SELENOT: variants seen among roughly 807,000 people sequenced by gnomAD.
SELENOT encodes the protein selenoprotein T.
SELENOT carries 9 observed loss-of-function variants against 24.3 expected under a neutral mutation model. The observed-to-expected ratio is 0.37, with a 90% CI of 0.22 to 0.65. SELENOT has a LOEUF of 0.65. SELENOT is among the 30% of genes least tolerant of loss of function. The pLI is 0.60. For missense variants in SELENOT, 166 were observed against 247.6 expected, an observed-to-expected ratio of 0.67 and a Z score of 2.21; for synonymous variants, 81 against 86.0, an observed-to-expected ratio of 0.94 and a Z score of 0.32.
intron 1 of SELENOT, among the ~76,000 whole-genome samples, chr3:150,605,912 A>G (rs1725951818): frequency 6.6e-6 from 1 of 152,214 alleles, no homozygotes; most frequent in Non-Finnish European, 1.5e-5. Flanking sequence ...TTCATTAATT[A>G]CCACTGCTAA....
At chr3:150,612,155 G>A (rs373345436) in intron 1 of SELENOT, among the ~76,000 whole-genome samples, 1 of 151,666 alleles carries the variant, frequency 6.6e-6, no homozygotes, top group African/African-American at 2.4e-5. Flanking sequence ...GTGCGGTGGC[G>A]CAATCTTGGC....
At chr3:150,625,067 CT>C (rs375782111) in intron 4 of SELENOT, among the ~76,000 whole-genome samples, 168 bp downstream of exon 4, 19,953 of 146,074 alleles carry the variant, frequency 0.14, 1,420 homozygotes, top group Non-Finnish European at 0.17. Flanking sequence ...AAAATTTTAA[CT>C]TTTTTTTTTT....
chr3:150,624,208 C>G (rs1050154985), intron 3 of SELENOT, among the ~76,000 whole-genome samples: 4 of 152,118 alleles, frequency 2.6e-5, no homozygotes, highest in Admixed American at 1.3e-4. Context: ...AGGGAAAGCT[C>G]TTTCTCATCT....
intron 1 of SELENOT, among the ~76,000 whole-genome samples, chr3:150,609,877 A>G (rs1726051645): frequency 6.6e-6 from 1 of 152,046 alleles, no homozygotes. Flanking sequence ...ATTTTCTCCT[A>G]GATTTTGTCA....
At chr3:150,613,198 G>A (rs1017524584) in intron 1 of SELENOT, among the ~76,000 whole-genome samples, 1 of 152,196 alleles carries the variant, frequency 6.6e-6, no homozygotes, top group Non-Finnish European at 1.5e-5. Context: ...GCTGGCATTT[G>A]GTGAGGGCCT....
intron 1 of SELENOT, among the ~76,000 whole-genome samples, chr3:150,608,043 AATG>A (rs1453214072): frequency 6.6e-6 from 1 of 152,194 alleles, no homozygotes; most frequent in Non-Finnish European, 1.5e-5. Context: ...AACAGCTCTT[AATG>A]ATGAATTGTA....
At chr3:150,618,163 A>G (rs911070614) in intron 1 of SELENOT, among the ~76,000 whole-genome samples, 3 of 152,134 alleles carry the variant, frequency 2.0e-5, no homozygotes, top group Admixed American at 2.0e-4. Context: ...TCACTTTTTA[A>G]AATCCCAGTT....
intron 4 of SELENOT, among the ~76,000 whole-genome samples, chr3:150,626,251 T>C (rs983824964): frequency 2.6e-5 from 4 of 152,182 alleles, no homozygotes; most frequent in Non-Finnish European, 4.4e-5. Context: ...TTGACTTTGT[T>C]CTCAAGATAA....
At chr3:150,613,665 CTTTT>C (rs531822237) in intron 1 of SELENOT, among the ~76,000 whole-genome samples, 1 of 78,888 alleles carries the variant, frequency 1.3e-5, no homozygotes, top group African/African-American at 4.8e-5. Context: ...AAGATGGGAA[CTTTT>C]TTTTTTTTTT....
chr3:150,616,872 C>A (rs1337912728), intron 1 of SELENOT, among the ~76,000 whole-genome samples: 1 of 152,196 alleles, frequency 6.6e-6, no homozygotes. Context: ...AACTCCTGAG[C>A]TCAAGCAATA....
rs1726114587 is a variant in SELENOT at position 150,612,332 on chromosome 3, A to ACC, written c.137+8833_137+8834insCC. Among the ~76,000 whole-genome samples the ACC allele has an allele frequency of 1.1e-4, 16 of 152,228 alleles. No individual in the cohort carries two copies. In the South Asian group the frequency reaches 3.1e-3, roughly 30 times the overall value. On this transcript the variant is annotated intron_variant, in intron 1 of 5. Coordinates refer to ENST00000471696, the MANE Select transcript of SELENOT (RefSeq NM_016275.5). Reference sequence around the variant, plus strand: ...GGTCTCAAACTCCTGACCCTAAGTGATTGGCCCTCCTCGGCCTCCCAAAGT... The same window carrying ACC: ...GGTCTCAAACTCCTGACCCTAAGTGACCTTGGCCCTCCTCGGCCTCCCAAAGT...
chr3:150,608,776 G>A (rs1055346101), intron 1 of SELENOT, among the ~76,000 whole-genome samples: 1 of 152,088 alleles, frequency 6.6e-6, no homozygotes, highest in Non-Finnish European at 1.5e-5. Flanking sequence ...CATAATAGTT[G>A]TTTCCACTTA....
At chr3:150,606,136 TC>T (rs1281519605) in intron 1 of SELENOT, among the ~76,000 whole-genome samples, 1 of 149,192 alleles carries the variant, frequency 6.7e-6, no homozygotes, top group Non-Finnish European at 1.5e-5. Context: ...TTTTTTTTTT[TC>T]CTTTCTTTCT....
intron 1 of SELENOT, among the ~76,000 whole-genome samples, chr3:150,605,319 G>A (rs574803649): frequency 6.6e-6 from 1 of 151,108 alleles, no homozygotes; most frequent in South Asian, 2.1e-4. Flanking sequence ...CCCCTTTTAC[G>A]TTTGCTTTTT....
In SELENOT at chr3:150,629,052, AG is replaced by A. The variant is rs1184030147; in HGVS notation, c.*1425del. ...TTGAGTGTCATGTTGGCACTCAAAA[AG>A]GTTCAACATTGAGTCCACTTAACAC... On this transcript the variant is annotated 3_prime_UTR_variant, in exon 6 of 6. Transcript: ENST00000471696. The A allele has an allele frequency of 6.6e-6, 1 of 152,188 alleles. No individual in the cohort carries two copies. The highest frequency in any genetic ancestry group is 1.5e-5 in the Non-Finnish European group (1 of 68,028). 9.4% of individuals were successfully genotyped at this position (152,188 alleles called of 1,614,324 possible).
At chr3:150,620,037 A>C (rs1726305919) in intron 1 of SELENOT, among the ~76,000 whole-genome samples, 1 of 152,208 alleles carries the variant, frequency 6.6e-6, no homozygotes, top group Non-Finnish European at 1.5e-5. Flanking sequence ...TTATTAGCTA[A>C]ATTCTATTTG....
chr3:150,620,489 T>C (rs1319402782), intron 1 of SELENOT, among the ~76,000 whole-genome samples: 1 of 152,226 alleles, frequency 6.6e-6, no homozygotes, highest in African/African-American at 2.4e-5. Flanking sequence ...CGTATCTGTG[T>C]TACTCACCAC....
In SELENOT at chr3:150,627,460, T is replaced by C. The variant is rs769290370; in HGVS notation, c.*30-199T>C. Among the ~76,000 whole-genome samples the C allele has an allele frequency of 1.3e-3, 204 of 152,222 alleles. 4 individuals are homozygous for C. The highest frequency in any genetic ancestry group is 4.5e-3 in the Admixed American group (69 of 15,286). ...TTATGCTAGAGGTGTGTATACTTCC[T>C]GTCCTTACCTTCAAGTAATTAGTTC... is the stretch of plus-strand genomic sequence containing the variant. On this transcript the variant is annotated intron_variant, in intron 5 of 5. Transcript: ENST00000471696.
At chr3:150,618,100 AC>A (rs1255419601) in intron 1 of SELENOT, among the ~76,000 whole-genome samples, 1 of 151,692 alleles carries the variant, frequency 6.6e-6, no homozygotes, top group Non-Finnish European at 1.5e-5. Flanking sequence ...CAGGTGATCC[AC>A]CCGCCTCAGC....
Sources: gnomAD v4.1 joint callset for allele counts (sites outside exome capture counted in the v4.1 genomes callset) on GRCh38, gnomAD v4.1.1 for gene constraint, MANE v1.5 for transcripts, NCBI Gene and HGNC (gene_info 2026-07-23, HGNC 2026-07-21) for gene names.